The following IQGAP1 variants were observed in gnomAD, a reference collection of about 807,000 sequenced individuals.
The protein encoded by IQGAP1 is IQ motif containing GTPase activating protein 1.
IQGAP1 carries 66 observed loss-of-function variants against 215.6 expected under a neutral mutation model. That is an observed-to-expected ratio of 0.31 (90% CI 0.25 to 0.38). The LOEUF (loss-of-function observed/expected upper bound fraction) is 0.38. Among genes scored for constraint, IQGAP1 ranks in the 10% least tolerant of loss-of-function variants. The pLI, the probability that IQGAP1 is intolerant of heterozygous loss-of-function variation, is 1.00. For missense variants in IQGAP1, 1,712 were observed against 1,997.1 expected, an observed-to-expected ratio of 0.86 and a Z score of 2.72; for synonymous variants, 772 against 728.7, an observed-to-expected ratio of 1.06 and a Z score of -0.96.
rs767826518 is a variant in IQGAP1 at position 90,441,573 on chromosome 15, T to G, written c.717T>G (p.Ala239=). The change falls in exon 8 of 38, where the codon GCT becomes GCG. Residue 239 remains alanine (A), a synonymous_variant. Transcript: ENST00000268182. ...GAATTCCAGCCGACACATTTGCAGC[T>G]TTGAAAAATCCGAATGCCATGCTTG... The part of the protein sequence containing the change: ...DRRIPADTFA[A]LKNPNAMLVN... 1.1e-5 allele frequency: 17 copies of G among 1,614,070 alleles called. No individual in the cohort carries two copies. Among genetic ancestry groups the G allele is most frequent in the Non-Finnish European group, 1.4e-5 (16 of 1,179,972 alleles).
chr15:90,468,678 A>G (rs1376203250), intron 18 of IQGAP1, among the ~76,000 whole-genome samples: 1 of 152,060 alleles, frequency 6.6e-6, no homozygotes, highest in Non-Finnish European at 1.5e-5. Flanking sequence ...AAAAAATACA[A>G]AAATTAGCTG....
At position 90,482,268 on chromosome 15, in the gene IQGAP1, A is replaced by G; in HGVS notation, c.3542A>G (p.Asp1181Gly). Residue 1181 changes from aspartate to glycine, a missense_variant, in exon 28 of 38, where the codon GAT (aspartate) becomes GGT (glycine). Physicochemically the swap from Asp to Gly is moderately conservative, Grantham distance 94 (BLOSUM62 -1). This residue lies in a region of IQGAP1 where 691 missense variants were observed against 923.0 expected (regional missense o/e 0.75). Transcript: ENST00000268182. ...GAGAAGTTCCCTGATGCTGGTGAGG[A>G]TGAGCTGCTGAAGGTAAGAATCTCA... ...LHEKFPDAGE[D>G]ELLKIIGNLL... The G allele has an allele frequency of 1.2e-6, 2 of 1,614,210 alleles. No homozygotes were observed. Among genetic ancestry groups the G allele is most frequent in the South Asian group, 1.1e-5 (1 of 91,084 alleles).
intron 3 of IQGAP1, among the ~76,000 whole-genome samples, chr15:90,429,214 T>A (rs1421768344): frequency 1.3e-5 from 2 of 152,232 alleles, no homozygotes; most frequent in African/African-American, 4.8e-5. Flanking sequence ...AATTTGTTCA[T>A]GTGCATTATC....
chr15:90,422,890 C>G (rs1965168144), intron 2 of IQGAP1, among the ~76,000 whole-genome samples: 1 of 151,834 alleles, frequency 6.6e-6, no homozygotes, highest in Non-Finnish European at 1.5e-5. Context: ...GAGACAGGGT[C>G]TGGCTGTGTT....
intron 2 of IQGAP1, among the ~76,000 whole-genome samples, chr15:90,420,026 A>C (rs529266501): frequency 6.6e-6 from 1 of 152,346 alleles, no homozygotes; most frequent in African/African-American, 2.4e-5. Context: ...TTTAATCCTC[A>C]TAAACATTCT....
In IQGAP1 at chr15:90,487,404, G is replaced by A. The variant is rs1280033607; in HGVS notation, c.4161-91G>A. 6 of 914,086 alleles carry A rather than the reference G, an allele frequency of 6.6e-6. No homozygotes were observed. The African/African-American group carries it at 7.4e-5, about 11-fold the overall frequency. 56.6% of individuals were successfully genotyped at this position (914,086 alleles called of 1,614,324 possible). ...CCGCTTGGGACTTCTGTGAGGTACT[G>A]TTTGTGCTGCTGCTGCTGCTGCTGC... On this transcript the variant is annotated intron_variant, in intron 32 of 37. Coordinates refer to ENST00000268182, the MANE Select transcript of IQGAP1 (RefSeq NM_003870.4).
chr15:90,449,436 T>A (rs1223313277), intron 10 of IQGAP1, 123 bp from the exon 11 acceptor site: 5 of 766,662 alleles, frequency 6.5e-6, no homozygotes, highest in African/African-American at 1.8e-5. Flanking sequence ...GCATGTAGCC[T>A]GAGCTGTCAC....
At chr15:90,409,907 G>T (rs1438671296) in intron 2 of IQGAP1, among the ~76,000 whole-genome samples, 2 of 152,170 alleles carry the variant, frequency 1.3e-5, no homozygotes, top group African/African-American at 4.8e-5. Context: ...CAGTGATGAT[G>T]AGCATTTTTT....
chr15:90,441,415 G>A lies in IQGAP1; in HGVS notation c.650-91G>A. On this transcript the variant is annotated intron_variant, in intron 7 of 37. Transcript: ENST00000268182. The stretch of plus-strand genomic sequence containing the variant: ...AAAGGAGCCTCTGTCTCTAATGGGG[G>A]GTGCAATGTTGCTTTCTGTTGTGAT... 5 of 1,072,378 alleles carry A rather than the reference G, an allele frequency of 4.7e-6. No individual in the cohort carries two copies. The South Asian group carries it at 7.9e-5, about 17-fold the overall frequency. 66.4% of individuals were successfully genotyped at this position (1,072,378 alleles called of 1,614,324 possible). A position where few individuals can be genotyped will look rare whatever the true frequency, so the allele number is the denominator to read the frequency against.
At chr15:90,411,649 T>G (rs763819441) in intron 2 of IQGAP1, among the ~76,000 whole-genome samples, 1 of 152,168 alleles carries the variant, frequency 6.6e-6, no homozygotes, top group African/African-American at 2.4e-5. Flanking sequence ...TAGTAATGAT[T>G]AGGCTGTAGA....
Position 90,472,970 on chromosome 15 carries a change from A to G in IQGAP1, c.2309A>G (p.Asn770Ser). 13 of 1,614,048 alleles carry G rather than the reference A, an allele frequency of 8.1e-6. No homozygotes were observed. Among genetic ancestry groups the G allele is most frequent in the Non-Finnish European group, 1.1e-5 (13 of 1,179,976 alleles). The change falls in exon 19 of 38, where the codon AAT (asparagine) becomes AGT (serine). Residue 770 changes from asparagine to serine, a missense_variant. By Grantham distance (46) the Asn-to-Ser change is conservative (BLOSUM62 1). Transcript: ENST00000268182. The stretch of plus-strand genomic sequence containing the variant: ...CGACAGGAATTCCGATCCAGGATGA[A>G]TTTCCTGAAGAAACAAATCCCTGCC... Reference protein sequence around the residue: ...LVRQEFRSRMNFLKKQIPAIT... With the variant: ...LVRQEFRSRMSFLKKQIPAIT...
intron 30 of IQGAP1, among the ~76,000 whole-genome samples, chr15:90,484,940 C>CA (rs571711699): frequency 8.5e-4 from 130 of 152,344 alleles, no homozygotes; most frequent in Middle Eastern, 6.8e-3. Context: ...CCTACTGAAT[C>CA]AAAATCCCAC....
intron 2 of IQGAP1, among the ~76,000 whole-genome samples, chr15:90,414,701 C>T (rs1407787083): frequency 6.6e-6 from 1 of 152,144 alleles, no homozygotes; most frequent in East Asian, 1.9e-4. Context: ...TCTCCACAGC[C>T]TCTTTCTCTG....
chr15:90,454,324 T>C, intron 13 of IQGAP1, 104 bp from the exon 14 acceptor site: 1 of 1,371,960 alleles, frequency 7.3e-7, no homozygotes, highest in Non-Finnish European at 1.0e-6. Flanking sequence ...CCAAAACTGG[T>C]CTTGAGAATA....
intron 2 of IQGAP1, among the ~76,000 whole-genome samples, chr15:90,395,448 G>A (rs1482925578): frequency 1.3e-5 from 2 of 152,042 alleles, no homozygotes; most frequent in Non-Finnish European, 2.9e-5. Context: ...AGCCTCCCGA[G>A]TAGCTGGGAC....
intron 18 of IQGAP1, among the ~76,000 whole-genome samples, chr15:90,468,020 CTT>C (rs1965855424): frequency 6.6e-6 from 1 of 151,618 alleles, no homozygotes; most frequent in South Asian, 2.1e-4. Context: ...GTCTTTGTGT[CTT>C]TGCTTATACT....
At chr15:90,389,914 C>T (rs1376228134) in intron 1 of IQGAP1, among the ~76,000 whole-genome samples, 1 of 149,332 alleles carries the variant, frequency 6.7e-6, no homozygotes, top group Non-Finnish European at 1.5e-5. Context: ...ATGATTGTGC[C>T]ACTGCACTCG....
In IQGAP1 at chr15:90,431,021, A is replaced by C. The variant is rs545539590; in HGVS notation, c.390+1355A>C. Among the ~76,000 whole-genome samples, 56 of 148,152 alleles carry C rather than the reference A, an allele frequency of 3.8e-4. 1 individual carries two copies. In the South Asian group the frequency reaches 0.011, roughly 30 times the overall value. On this transcript the variant is annotated intron_variant, in intron 4 of 37. Transcript: ENST00000268182. ...TATACAATATATAATTACATATTGTAATATATAATCATATATACAATATAT... is the reference window on the plus strand; with the variant it reads ...TATACAATATATAATTACATATTGTCATATATAATCATATATACAATATAT...
At chr15:90,456,987 A>AC (rs1489700541) in intron 15 of IQGAP1, among the ~76,000 whole-genome samples, 1 of 122,734 alleles carries the variant, frequency 8.1e-6, no homozygotes, top group Admixed American at 7.7e-5. Context: ...TCCAGAAAAA[A>AC]AAATATATAT....
Sources: gnomAD v4.1 joint callset for allele counts (sites outside exome capture counted in the v4.1 genomes callset) on GRCh38, gnomAD v4.1.1 for gene constraint, gnomAD v4.1.1 regional missense constraint, MANE v1.5 for transcripts, NCBI Gene and HGNC (gene_info 2026-07-23, HGNC 2026-07-21) for gene names.